The following PIN4 variants were observed in gnomAD, a reference collection of about 807,000 sequenced individuals.
The protein encoded by PIN4 is peptidylprolyl cis/trans isomerase, NIMA-interacting 4, also known as peptidyl-prolyl cis-trans isomerase NIMA-interacting 4.
PIN4 carries 3 observed loss-of-function variants against 8.3 expected under a neutral mutation model. The observed-to-expected ratio is 0.36, with a 90% CI of 0.16 to 0.93. PIN4 has a LOEUF of 0.93. PIN4 is among the 40% of genes least tolerant of loss of function. The pLI, the probability that PIN4 is intolerant of heterozygous loss-of-function variation, is 0.44. For synonymous variants in PIN4, 18 were observed against 32.5 expected (o/e 0.55, Z 1.52); for missense variants, 75 against 100.6 (o/e 0.75, Z 1.09).
intron 3 of PIN4, among the ~76,000 whole-genome samples, chrX:72,230,604 A>C (rs1413886995): frequency 8.9e-6 from 1 of 112,225 alleles, no homozygotes; most frequent in East Asian, 2.8e-4. Context: ...TAACTCTTAC[A>C]AGTGTTGGCA....
At chrX:72,217,737 A>T (rs2147592170) in intron 3 of PIN4, among the ~76,000 whole-genome samples, 1 of 111,600 alleles carries the variant, frequency 9.0e-6, no homozygotes, top group South Asian at 3.7e-4. Context: ...AAAAAAAAAC[A>T]CAAAAAGAAC....
At chrX:72,248,118 A>G (rs1353786349) in intron 3 of PIN4, among the ~76,000 whole-genome samples, 1 of 109,819 alleles carries the variant, frequency 9.1e-6, no homozygotes, top group Non-Finnish European at 1.9e-5. Context: ...GCACGAGGTC[A>G]TGCAGCAAGT....
chrX:72,201,764 C>A (rs995805694), downstream of PIN4, among the ~76,000 whole-genome samples: 2 of 112,871 alleles, frequency 1.8e-5, no homozygotes, highest in African/African-American at 6.4e-5. Context: ...GGTGACATAA[C>A]ATGTACTGCT....
At chrX:72,260,445 A>G (rs1209315078) in intron 3 of PIN4, among the ~76,000 whole-genome samples, 6 of 112,093 alleles carry the variant, frequency 5.4e-5, no homozygotes, top group Non-Finnish European at 9.4e-5. Context: ...AGTGGTGTGC[A>G]TCAGGGTATC....
At chrX:72,207,537 C>T in intron 3 of PIN4, 2 of 1,211,674 alleles carry the variant, frequency 1.7e-6, no homozygotes, top group Admixed American at 2.2e-5. Flanking sequence ...GATGATCACA[C>T]AGCTTCTTTA....
chrX:72,245,812 C>G (rs1304943040), intron 3 of PIN4, among the ~76,000 whole-genome samples: 1 of 111,893 alleles, frequency 8.9e-6, no homozygotes, highest in Non-Finnish European at 1.9e-5. Flanking sequence ...AGGGAGGGAG[C>G]CAAGAGTTAG....
chrX:72,260,477 T>C (rs2043134148), intron 3 of PIN4, among the ~76,000 whole-genome samples: 1 of 111,734 alleles, frequency 8.9e-6, no homozygotes, highest in South Asian at 3.8e-4. Context: ...CCTATCTTAC[T>C]TGGAGGCATG....
intron 3 of PIN4, among the ~76,000 whole-genome samples, chrX:72,218,877 A>G (rs1207184001): frequency 8.9e-6 from 1 of 112,482 alleles, no homozygotes; most frequent in East Asian, 2.8e-4. Context: ...TTCTTTCAAC[A>G]ATGTTTTATA....
chrX:72,192,743 AC>A (rs746827884), intron 2 of PIN4, among the ~76,000 whole-genome samples: 14 of 110,201 alleles, frequency 1.3e-4, no homozygotes, highest in African/African-American at 4.7e-4. Context: ...ACAGATGTGC[AC>A]CACCATGCCC....
At position 72,196,912 on chromosome X, in the gene PIN4, G is replaced by C. The variant is rs2042769462; in HGVS notation, c.237+8G>C. The C allele has an allele frequency of 8.7e-7, 1 of 1,155,353 alleles. No individual in the cohort carries two copies. The highest frequency in any genetic ancestry group is 1.8e-5 in the African/African-American group (1 of 54,738). On this transcript the variant is annotated splice_region_variant and intron_variant, in intron 3 of 3. Coordinates refer to ENST00000373669, the MANE Select transcript of PIN4 (RefSeq NM_006223.4). ...GATAAAGCCAGGCAAGGGGTATGTT[G>C]CTCTTATTATTTATAATTTTCTCTC... is the stretch of plus-strand genomic sequence containing the variant.
chrX:72,186,122 C>T (rs956840719), intron 1 of PIN4: 13 of 277,636 alleles, frequency 4.7e-5, no homozygotes, highest in Admixed American at 2.6e-4. Context: ...GTCCAACCCA[C>T]GGCCCACGGG....
At chrX:72,228,179 T>C (rs1210493684) in intron 3 of PIN4, among the ~76,000 whole-genome samples, 1 of 112,359 alleles carries the variant, frequency 8.9e-6, no homozygotes, top group Non-Finnish European at 1.9e-5. Flanking sequence ...CGTCAGTTTA[T>C]AAATGACCCT....
chrX:72,237,588 A>G lies in PIN4; in HGVS notation c.313-25119A>G, dbSNP rs1273647445. ...ACTCCAGCCTGGGTGACAGAGCGAG[A>G]CTGTATCAAAAAAAGAAAAAAAAAA... On this transcript the variant is annotated intron_variant, in intron 3 of 3. Coordinates refer to the PIN4 transcript ENST00000423432. Among the ~76,000 whole-genome samples the G allele has an allele frequency of 8.1e-5, 8 of 98,208 alleles. No homozygotes were observed. In the Admixed American group the frequency reaches 9.0e-4, roughly 11 times the overall value. 85.3% of individuals were successfully genotyped at this position (98,208 alleles called of 115,157 possible).
Position 72,259,184 on chromosome X carries a change from A to G in PIN4, c.313-3523A>G, listed in dbSNP as rs1178245408. ...TGGAAACAACACATTCTTGTTGGCC[A>G]GGATCAGCTAACACTCAATAGAGTT... On this transcript the variant is annotated intron_variant, in intron 3 of 3. Coordinates refer to the PIN4 transcript ENST00000423432. Among the ~76,000 whole-genome samples, 3 of 109,175 alleles carry G rather than the reference A, an allele frequency of 2.7e-5. 1 individual carries two copies. The Admixed American group carries it at 3.0e-4, about 11-fold the overall frequency. 94.8% of individuals were successfully genotyped at this position (109,175 alleles called of 115,157 possible).
At chrX:72,219,688 A>G (rs1166966810) in intron 3 of PIN4, among the ~76,000 whole-genome samples, 1 of 108,686 alleles carries the variant, frequency 9.2e-6, no homozygotes, top group Non-Finnish European at 1.9e-5. Context: ...CCTCTACTAA[A>G]AATACAAAAA....
chrX:72,194,211 T>C (rs770364348), intron 2 of PIN4, among the ~76,000 whole-genome samples: 14 of 108,154 alleles, frequency 1.3e-4, no homozygotes, highest in Admixed American at 4.0e-4. Context: ...ACCAGCCTGA[T>C]CAACATGGTG....
chrX:72,263,486 G>A (rs150708239), exon 4 of PIN4: 8,170 of 111,606 alleles, frequency 0.073, 485 homozygotes, highest in East Asian at 0.48. Context: ...GAAAGAAGTC[G>A]TGGTGGTAAA....
chrX:72,217,281 C>T (rs1414219209), intron 3 of PIN4, among the ~76,000 whole-genome samples: 1 of 111,960 alleles, frequency 8.9e-6, no homozygotes, highest in East Asian at 2.8e-4. Context: ...ATCAGCTTTG[C>T]TCTTCCTGCC....
chrX:72,263,379 AG>A (rs2043147152), exon 4 of PIN4: 2 of 111,543 alleles, frequency 1.8e-5, no homozygotes, highest in African/African-American at 6.5e-5. Flanking sequence ...TGAAGAGAAA[AG>A]GGAACAGGGT....
Sources: gnomAD v4.1 joint callset for allele counts (sites outside exome capture counted in the v4.1 genomes callset) on GRCh38, gnomAD v4.1.1 for gene constraint, MANE v1.5 for transcripts, NCBI Gene and HGNC (gene_info 2026-07-23, HGNC 2026-07-21) for gene names.